PARP4: variants seen among roughly 807,000 people sequenced by gnomAD.
PARP4 encodes the protein protein mono-ADP-ribosyltransferase PARP4.
In PARP4, 120 loss-of-function variants were observed where a neutral mutation model predicts 187.7. The observed-to-expected ratio is 0.64, with a 90% CI of 0.55 to 0.74. The LOEUF is 0.74. Among genes scored for constraint, PARP4 ranks in the 30% least tolerant of loss-of-function variants. The pLI is 0.00. For synonymous variants in PARP4, 654 were observed against 740.9 expected (o/e 0.88, Z 1.90); for missense variants, 1,836 against 2,070.5 (o/e 0.89, Z 2.20).
chr13:24,471,121 TG>T (rs1023723524), intron 15 of PARP4, among the ~76,000 whole-genome samples: 6 of 152,234 alleles, frequency 3.9e-5, no homozygotes, highest in African/African-American at 1.4e-4. Flanking sequence ...TAGTACTGAC[TG>T]GGGGGACGTC....
chr13:24,435,277 A>C lies in PARP4; in HGVS notation c.3864T>G (p.Ser1288Arg). ...CTGTTGGTTTACATGACTCTGTCCA[A>C]CTTAAATCCAATAGCTTTTCCACAC... is the stretch of plus-strand genomic sequence containing the variant. Reference protein sequence around the residue: ...RGGVEKLLDLSWTESCKPTAT... With the variant: ...RGGVEKLLDLRWTESCKPTAT... The change falls in exon 31 of 34, where the codon AGT (serine) becomes AGG (arginine). Residue 1288 changes from serine (S) to arginine (R), a missense_variant. Physicochemically the swap from Ser to Arg is moderately radical, Grantham distance 110. Coordinates refer to ENST00000381989, the MANE Select transcript of PARP4 (RefSeq NM_006437.4). The C allele has an allele frequency of 1.2e-6, 2 of 1,613,374 alleles. No individual in the cohort carries two copies. The highest frequency in any genetic ancestry group is 8.5e-7 in the Non-Finnish European group (1 of 1,179,950).
chr13:24,450,084 AG>A (rs1274945109), intron 24 of PARP4, among the ~76,000 whole-genome samples: 1 of 152,118 alleles, frequency 6.6e-6, no homozygotes, highest in Non-Finnish European at 1.5e-5. Flanking sequence ...TTCCTGAGGG[AG>A]GGAGTAGATG....
chr13:24,423,338 C>G (rs368476359), intron 33 of PARP4, among the ~76,000 whole-genome samples: 5 of 152,086 alleles, frequency 3.3e-5, no homozygotes, highest in African/African-American at 1.2e-4. Flanking sequence ...GGCCAGAGTT[C>G]GAGACCAGCC....
intron 4 of PARP4, 98 bp from the exon 5 acceptor site, chr13:24,499,474 A>G (rs187327532): frequency 6.5e-6 from 6 of 923,920 alleles, no homozygotes; most frequent in South Asian, 2.0e-5. Context: ...TACAAAATAC[A>G]TGATAGATTC....
At chr13:24,506,061 C>T (rs911350978) in intron 1 of PARP4, among the ~76,000 whole-genome samples, 1 of 152,196 alleles carries the variant, frequency 6.6e-6, no homozygotes, top group Non-Finnish European at 1.5e-5. Context: ...TTTGTGGGTT[C>T]TTGGTCTCAC....
At chr13:24,442,126 G>A (rs1395078573) in intron 29 of PARP4, among the ~76,000 whole-genome samples, 158 bp from the exon 30 acceptor site, 1 of 150,622 alleles carries the variant, frequency 6.6e-6, no homozygotes, top group Admixed American at 6.6e-5. Flanking sequence ...GTGGGGAGGT[G>A]GAGTGGCTTT....
intron 1 of PARP4, among the ~76,000 whole-genome samples, chr13:24,511,751 A>G (rs1341712475): frequency 1.3e-5 from 2 of 152,212 alleles, no homozygotes; most frequent in African/African-American, 4.8e-5. Context: ...TGGGCATTCA[A>G]TAAAAGCTTG....
chr13:24,450,044 T>C (rs1036887119), intron 24 of PARP4, among the ~76,000 whole-genome samples: 3 of 150,972 alleles, frequency 2.0e-5, no homozygotes, highest in African/African-American at 4.9e-5. Context: ...ATCCTTCAAA[T>C]AGAAAAAAGT....
At position 24,446,778 on chromosome 13, in the gene PARP4, A is replaced by G; in HGVS notation, c.3286-17T>C. The G allele has an allele frequency of 6.7e-7, 1 of 1,496,260 alleles. No individual in the cohort carries two copies. The highest frequency in any genetic ancestry group is 1.1e-5 in the South Asian group (1 of 88,212). 92.7% of individuals were successfully genotyped at this position (1,496,260 alleles called of 1,614,324 possible). A position where few individuals can be genotyped will look rare whatever the true frequency, so the allele number is the denominator to read the frequency against. ...CAGAGTTGCCTGAAATGGGGAAAAA[A>G]ATAAATTCCTCATTAGCCTTTCCAC... On this transcript the variant is annotated splice_polypyrimidine_tract_variant and intron_variant, in intron 26 of 33. Coordinates refer to ENST00000381989, the MANE Select transcript of PARP4 (RefSeq NM_006437.4).
intron 14 of PARP4, among the ~76,000 whole-genome samples, chr13:24,476,795 TC>T: frequency 6.6e-6 from 1 of 152,196 alleles, no homozygotes; most frequent in East Asian, 1.9e-4. Flanking sequence ...GAAGTGAATA[TC>T]CTCTTGTATG....
chr13:24,426,990 G>T lies in PARP4; in HGVS notation c.4847-392C>A, dbSNP rs534072345. 1.7e-3 allele frequency among the ~76,000 whole-genome samples: 252 copies of T among 151,432 alleles called. 1 individual carries two copies. Among genetic ancestry groups the T allele is most frequent in the Middle Eastern group, 6.9e-3 (2 of 290 alleles). ...CTAATACTCTTCAAGGTCCTTAAATGGTTTGCTGTTTAAATAAAAAATGAG... is the reference window on the plus strand; with the variant it reads ...CTAATACTCTTCAAGGTCCTTAAATTGTTTGCTGTTTAAATAAAAAATGAG... On this transcript the variant is annotated intron_variant, in intron 32 of 33. Coordinates refer to ENST00000381989, the MANE Select transcript of PARP4 (RefSeq NM_006437.4).
At chr13:24,490,864 C>A in intron 9 of PARP4, 36 bp from the exon 10 acceptor site, 1 of 1,543,612 alleles carries the variant, frequency 6.5e-7, no homozygotes, top group Non-Finnish European at 8.9e-7. Context: ...GTCAGAATCA[C>A]CACATATCAA....
intron 15 of PARP4, among the ~76,000 whole-genome samples, chr13:24,474,180 G>A (rs1246264286): frequency 6.6e-6 from 1 of 152,172 alleles, no homozygotes; most frequent in South Asian, 2.1e-4. Context: ...CTGGGCCGCT[G>A]TCTTTCTCTT....
At chr13:24,505,197 G>A (rs993810829) in intron 1 of PARP4, among the ~76,000 whole-genome samples, 5 of 152,080 alleles carry the variant, frequency 3.3e-5, no homozygotes, top group African/African-American at 9.7e-5. Flanking sequence ...TAGAGAGCGC[G>A]AGCTTGACAG....
At chr13:24,496,790 C>T (rs895214338) in intron 6 of PARP4, among the ~76,000 whole-genome samples, 3 of 152,090 alleles carry the variant, frequency 2.0e-5, no homozygotes, top group Non-Finnish European at 4.4e-5. Flanking sequence ...TTTGGGAGGC[C>T]AAGGCAAGCA....
At chr13:24,443,813 G>A (rs974394100) in intron 27 of PARP4, 83 bp from the exon 28 acceptor site, 2 of 933,966 alleles carry the variant, frequency 2.1e-6, no homozygotes. Context: ...TAAAAATGGA[G>A]GTATAATCTG....
At chr13:24,427,579 C>G (rs1208685175) in intron 32 of PARP4, among the ~76,000 whole-genome samples, 1 of 152,008 alleles carries the variant, frequency 6.6e-6, no homozygotes, top group Non-Finnish European at 1.5e-5. Flanking sequence ...AAATCTTTGT[C>G]TTATAATTAA....
At chr13:24,459,629 C>T in intron 18 of PARP4, 1 of 380,334 alleles carries the variant, frequency 2.6e-6, no homozygotes, top group Non-Finnish European at 4.7e-6. Flanking sequence ...AAGTATTAAC[C>T]ATTAACTCTG....
At chr13:24,452,682 G>A in intron 23 of PARP4, 89 bp from the exon 24 acceptor site, 2 of 982,508 alleles carry the variant, frequency 2.0e-6, no homozygotes, top group Non-Finnish European at 3.0e-6. Flanking sequence ...GGACAGTGTA[G>A]GGATATGGTG....
Sources: gnomAD v4.1 joint callset for allele counts (sites outside exome capture counted in the v4.1 genomes callset) on GRCh38, gnomAD v4.1.1 for gene constraint, MANE v1.5 for transcripts, NCBI Gene and HGNC (gene_info 2026-07-23, HGNC 2026-07-21) for gene names.